The following SGCD variants were observed in gnomAD, a reference collection of about 807,000 sequenced individuals.
The protein encoded by SGCD is delta-sarcoglycan.
A neutral mutation model predicts 36.6 loss-of-function variants in SGCD; 18 were observed. That is an observed-to-expected ratio of 0.49 (90% CI 0.34 to 0.73). The LOEUF (loss-of-function observed/expected upper bound fraction) is 0.73. Among genes scored for constraint, SGCD ranks in the 30% least tolerant of loss-of-function variants. The probability of loss-of-function intolerance (pLI) is 0.01; values close to 1 mark genes in which losing one functional copy is unlikely to be tolerated. For missense variants in SGCD, 387 were observed against 346.7 expected (o/e 1.12, Z -0.92); for synonymous variants, 133 against 130.6 (o/e 1.02, Z -0.12).
At chr5:156,553,205 G>T (rs1719389860) in intron 4 of SGCD, among the ~76,000 whole-genome samples, 1 of 152,162 alleles carries the variant, frequency 6.6e-6, no homozygotes, top group Non-Finnish European at 1.5e-5. Flanking sequence ...CTGTTCATGA[G>T]GGATCCAACC....
At chr5:156,609,431 C>T (rs1761666606) in intron 6 of SGCD, among the ~76,000 whole-genome samples, 1 of 152,172 alleles carries the variant, frequency 6.6e-6, no homozygotes, top group Non-Finnish European at 1.5e-5. Flanking sequence ...GTCTGATGGG[C>T]TTCCCTTTGT....
chr5:156,532,035 A>G (rs1028106971), intron 4 of SGCD, among the ~76,000 whole-genome samples: 7 of 152,082 alleles, frequency 4.6e-5, no homozygotes, highest in African/African-American at 1.7e-4. Context: ...GCTTGAACCC[A>G]GGAGGCAGAG....
chr5:156,174,564 C>T (rs998465468), intron 3 of SGCD, among the ~76,000 whole-genome samples: 2 of 152,182 alleles, frequency 1.3e-5, no homozygotes, highest in African/African-American at 4.8e-5. Context: ...CATCCAGGTT[C>T]CCAAGAGCAA....
chr5:156,006,544 A>G (rs1758763743), intron 1 of SGCD, among the ~76,000 whole-genome samples: 1 of 152,214 alleles, frequency 6.6e-6, no homozygotes, highest in South Asian at 2.1e-4. Flanking sequence ...ATCATTTCCC[A>G]TAGCTGAGAG....
At chr5:156,127,326 A>C (rs868757702) in intron 3 of SGCD, among the ~76,000 whole-genome samples, 1 of 152,208 alleles carries the variant, frequency 6.6e-6, no homozygotes, top group African/African-American at 2.4e-5. Flanking sequence ...AGAGTAATCC[A>C]GACATCGAGG....
intron 4 of SGCD, among the ~76,000 whole-genome samples, chr5:156,565,365 TA>T (rs1404178194): frequency 1.3e-5 from 2 of 152,200 alleles, no homozygotes; most frequent in Non-Finnish European, 2.9e-5. Context: ...ATTTCAGTAA[TA>T]TTTTTTTAAA....
At chr5:156,153,987 A>G (rs2311450) in intron 3 of SGCD, among the ~76,000 whole-genome samples, 42,812 of 151,362 alleles carry the variant, frequency 0.28, 6,837 homozygotes, top group East Asian at 0.59. Context: ...ATCTTTATAA[A>G]AGATGTACTG....
Position 156,667,065 on chromosome 5 carries a change from C to T in SGCD, c.575+19529C>T, listed in dbSNP as rs1330938436. Among the ~76,000 whole-genome samples, 3 of 152,270 alleles carry T rather than the reference C, an allele frequency of 2.0e-5. No individual in the cohort carries two copies. In the East Asian group the frequency reaches 5.8e-4, roughly 29 times the overall value. On this transcript the variant is annotated intron_variant, in intron 7 of 8. Transcript: ENST00000337851. ...AAACTTTTTGAGGACTGACATAAAG[C>T]TCAAAGGAAATACTCATTGGAGCAT...
intron 1 of SGCD, among the ~76,000 whole-genome samples, chr5:155,933,573 A>G (rs999501531): frequency 6.6e-6 from 1 of 152,186 alleles, no homozygotes. Flanking sequence ...TCTCATTCTT[A>G]CTGTTGAATG....
intron 3 of SGCD, among the ~76,000 whole-genome samples, chr5:156,271,011 C>A (rs1766161411): frequency 6.6e-6 from 1 of 152,164 alleles, no homozygotes; most frequent in Admixed American, 6.5e-5. Context: ...TTAAAGATGT[C>A]TCTTCCACCA....
At chr5:156,569,486 G>C (rs1759631170) in intron 4 of SGCD, among the ~76,000 whole-genome samples, 1 of 152,050 alleles carries the variant, frequency 6.6e-6, no homozygotes, top group African/African-American at 2.4e-5. Context: ...CAACTACTCA[G>C]GAGACTGAGG....
At chr5:156,625,903 G>A (rs1478404812) in intron 6 of SGCD, among the ~76,000 whole-genome samples, 1 of 152,208 alleles carries the variant, frequency 6.6e-6, no homozygotes, top group Non-Finnish European at 1.5e-5. Flanking sequence ...GGAGTTGGAA[G>A]CGGGGGTATG....
chr5:156,274,682 G>C (rs1406317063), intron 3 of SGCD, among the ~76,000 whole-genome samples: 1 of 152,138 alleles, frequency 6.6e-6, no homozygotes, highest in Non-Finnish European at 1.5e-5. Flanking sequence ...AATCTTTTAT[G>C]CTGAGTTCTG....
intron 1 of SGCD, among the ~76,000 whole-genome samples, chr5:156,080,748 C>T (rs1049693908): frequency 3.3e-5 from 5 of 152,182 alleles, no homozygotes; most frequent in Admixed American, 3.3e-4. Context: ...TCATTTCCAT[C>T]TGAAACCTCA....
At chr5:156,441,956 T>C (rs1290289684) in intron 3 of SGCD, among the ~76,000 whole-genome samples, 3 of 152,160 alleles carry the variant, frequency 2.0e-5, no homozygotes, top group African/African-American at 7.2e-5. Context: ...CTTTTCTAAC[T>C]GTGAAGTTAA....
intron 3 of SGCD, among the ~76,000 whole-genome samples, chr5:156,477,230 T>A (rs1482629959): frequency 6.6e-6 from 1 of 152,122 alleles, no homozygotes; most frequent in Non-Finnish European, 1.5e-5. Flanking sequence ...TTTGTTTAGA[T>A]ATGTATGTTT....
At chr5:156,300,424 T>C (rs1384746567) in intron 3 of SGCD, among the ~76,000 whole-genome samples, 1 of 152,094 alleles carries the variant, frequency 6.6e-6, no homozygotes, top group Non-Finnish European at 1.5e-5. Flanking sequence ...GTTTGCATAG[T>C]TTCCAAAATT....
the SGCD span, among the ~76,000 whole-genome samples, chr5:155,843,996 A>G: frequency 1.3e-5 from 2 of 152,212 alleles, no homozygotes; most frequent in Non-Finnish European, 2.9e-5. Flanking sequence ...ATACAGTGCT[A>G]TACTCTGAAC....
At chr5:155,935,936 G>A (rs1010689988) in intron 1 of SGCD, among the ~76,000 whole-genome samples, 5 of 152,160 alleles carry the variant, frequency 3.3e-5, no homozygotes, top group Non-Finnish European at 5.9e-5. Context: ...AGCTGCAGCA[G>A]GGCAGATAGC....
Sources: gnomAD v4.1 joint callset for allele counts (sites outside exome capture counted in the v4.1 genomes callset) on GRCh38, gnomAD v4.1.1 for gene constraint, MANE v1.5 for transcripts, NCBI Gene and HGNC (gene_info 2026-07-23, HGNC 2026-07-21) for gene names.